DNAH3: variants seen among roughly 807,000 people sequenced by gnomAD.
The protein encoded by DNAH3 is dynein axonemal heavy chain 3, also known as axonemal beta dynein heavy chain 3.
A neutral mutation model predicts 432.5 loss-of-function variants in DNAH3; 332 were observed. That is an observed-to-expected ratio of 0.77 (90% CI 0.70 to 0.84). The LOEUF is 0.84. DNAH3 is among the 40% of genes least tolerant of loss of function. The pLI, the probability that DNAH3 is intolerant of heterozygous loss-of-function variation, is 0.00. For synonymous variants in DNAH3, 1,956 were observed against 1,900.2 expected, an observed-to-expected ratio of 1.03 and a Z score of -0.76; for missense variants, 4,861 against 5,114.0, an observed-to-expected ratio of 0.95 and a Z score of 1.51.
exon 57 of DNAH3, chr16:20,948,541 T>C (rs774347948): frequency 1.9e-5 from 30 of 1,613,970 alleles, no homozygotes; most frequent in Non-Finnish European, 2.5e-5. Flanking sequence ...GGAGTAATAG[T>C]CCTCCTCAAT....
intron 12 of DNAH3, among the ~76,000 whole-genome samples, chr16:21,116,028 A>G (rs2092191715): frequency 6.6e-6 from 1 of 152,144 alleles, no homozygotes; most frequent in Non-Finnish European, 1.5e-5. Context: ...CCCACCACGC[A>G]CAGGACAGCC....
chr16:21,050,264 GCA>G (rs1457154178), intron 29 of DNAH3, among the ~76,000 whole-genome samples: 1 of 152,122 alleles, frequency 6.6e-6, no homozygotes, highest in African/African-American at 2.4e-5. Flanking sequence ...TCAGAGCCCA[GCA>G]CAGTGTCCAG....
intron 16 of DNAH3, among the ~76,000 whole-genome samples, chr16:21,103,363 G>GGGC (rs2091882018): frequency 7.2e-6 from 1 of 138,920 alleles, no homozygotes. Context: ...GTGGGGGGGG[G>GGGC]CAGGGTGGGG....
At chr16:21,140,741 G>A (rs1370859756) in intron 4 of DNAH3, 31 bp from the exon 6 acceptor site, 2 of 1,609,482 alleles carry the variant, frequency 1.2e-6, no homozygotes, top group South Asian at 1.1e-5. Flanking sequence ...AGCCCTTGGT[G>A]TTTGGTTCTC....
chr16:21,149,233 A>AC (rs919313204), intron 1 of DNAH3, among the ~76,000 whole-genome samples: 2 of 152,020 alleles, frequency 1.3e-5, no homozygotes, highest in East Asian at 3.9e-4. Context: ...TCTCAAAAAA[A>AC]AAAAAAGAAA....
chr16:20,994,372 A>G (rs966993830), intron 44 of DNAH3, among the ~76,000 whole-genome samples: 1 of 152,256 alleles, frequency 6.6e-6, no homozygotes, highest in African/African-American at 2.4e-5. Flanking sequence ...CGGAGGTTGC[A>G]GTGAGCTGAG....
intron 6 of DNAH3, among the ~76,000 whole-genome samples, chr16:21,134,843 C>G (rs1297250689): frequency 6.6e-6 from 1 of 152,126 alleles, no homozygotes; most frequent in African/African-American, 2.4e-5. Flanking sequence ...GCTGCCACCA[C>G]ACCTGCCTAA....
intron 42 of DNAH3, 47 bp from the exon 43 acceptor site, chr16:21,000,565 C>G (rs2086970844): frequency 6.5e-7 from 1 of 1,531,778 alleles, no homozygotes; most frequent in Non-Finnish European, 8.8e-7. Context: ...GCCCAGGAAG[C>G]TGGAGGTCTT....
chr16:21,026,760 G>A (rs1269656285), intron 38 of DNAH3, among the ~76,000 whole-genome samples: 3 of 151,172 alleles, frequency 2.0e-5, no homozygotes, highest in African/African-American at 7.3e-5. Context: ...ACTTCAGGGT[G>A]GAGGAGGGTG....
At chr16:20,988,209 C>G (rs2086307026) in intron 44 of DNAH3, 144 bp from the exon 45 acceptor site, 1 of 879,060 alleles carries the variant, frequency 1.1e-6, no homozygotes, top group Admixed American at 2.4e-5. Context: ...CCTCTAGCCA[C>G]CTGCAGCAAA....
At chr16:21,107,375 G>A (rs2091972854) in intron 14 of DNAH3, among the ~76,000 whole-genome samples, 1 of 151,500 alleles carries the variant, frequency 6.6e-6, no homozygotes, top group Non-Finnish European at 1.5e-5. Context: ...GAGTAGCTGG[G>A]ATTACAGGTG....
intron 41 of DNAH3, among the ~76,000 whole-genome samples, chr16:21,010,877 G>A (rs1282623857): frequency 1.3e-5 from 2 of 149,706 alleles, no homozygotes; most frequent in African/African-American, 4.9e-5. Context: ...CACCACGCCC[G>A]GCCAAAACCT....
chr16:21,025,103 TTTTAGTAGAGATGGGGTTTTGTC>T, intron 38 of DNAH3, among the ~76,000 whole-genome samples: 1 of 152,062 alleles, frequency 6.6e-6, no homozygotes. Flanking sequence ...TTTTTTGTAT[TTTTAGTAGAGATGGGGTTTTGTC>T]TTTAGTAGAG....
At chr16:21,095,631 G>GA (rs2091654219) in intron 18 of DNAH3, among the ~76,000 whole-genome samples, 1 of 152,128 alleles carries the variant, frequency 6.6e-6, no homozygotes, top group Admixed American at 6.5e-5. Flanking sequence ...ATGTTTATAT[G>GA]AAAGTCAACA....
chr16:21,111,189 T>C (rs996850512), intron 14 of DNAH3, among the ~76,000 whole-genome samples: 7 of 152,080 alleles, frequency 4.6e-5, no homozygotes, highest in Non-Finnish European at 1.5e-5. Context: ...AGAAAAAGAT[T>C]GAACAACAGA....
intron 37 of DNAH3, among the ~76,000 whole-genome samples, chr16:21,028,211 T>A (rs572195151): frequency 1.4e-4 from 22 of 152,014 alleles, no homozygotes; most frequent in African/African-American, 2.9e-4. Flanking sequence ...AATATATTTT[T>A]TAAAATTTTT....
At chr16:21,032,120 C>T (rs1299706812) in intron 36 of DNAH3, among the ~76,000 whole-genome samples, 1 of 152,082 alleles carries the variant, frequency 6.6e-6, no homozygotes, top group Admixed American at 6.5e-5. Context: ...TATTATCAGC[C>T]CTCTATGTAC....
intron 1 of DNAH3, chr16:21,159,321 C>G: frequency 6.2e-7 from 1 of 1,613,276 alleles, no homozygotes; most frequent in Non-Finnish European, 8.5e-7. Context: ...GACCCCCTCT[C>G]CACCTGCATT....
intron 1 of DNAH3, among the ~76,000 whole-genome samples, chr16:21,146,857 G>T (rs1033635574): frequency 6.6e-6 from 1 of 151,506 alleles, no homozygotes; most frequent in African/African-American, 2.4e-5. Flanking sequence ...GCCTCCGGGG[G>T]TCAAGTGATT....
Sources: allele counts gnomAD v4.1 joint callset (sites outside exome capture counted in the v4.1 genomes callset), GRCh38; gene constraint gnomAD v4.1.1; transcripts MANE v1.5; gene names NCBI Gene and HGNC (gene_info 2026-07-23, HGNC 2026-07-21).